TRDN: variants seen among roughly 807,000 people sequenced by gnomAD.
TRDN encodes the protein triadin in skeletal muscle.
A neutral mutation model predicts 149.7 loss-of-function variants in TRDN; 161 were observed. That is an observed-to-expected ratio of 1.08 (90% CI 0.95 to 1.23). TRDN has a LOEUF of 1.23. TRDN is among the 50% of genes most tolerant of loss of function. The probability of loss-of-function intolerance (pLI) is 0.00; values close to 1 mark genes in which losing one functional copy is unlikely to be tolerated. For missense variants in TRDN, 896 were observed against 823.5 expected (o/e 1.09, Z -1.08); for synonymous variants, 294 against 250.5 (o/e 1.17, Z -1.64).
intron 10 of TRDN, among the ~76,000 whole-genome samples, chr6:123,447,816 A>AC: frequency 6.6e-6 from 1 of 151,990 alleles, no homozygotes; most frequent in Non-Finnish European, 1.5e-5. Context: ...CTCCAGATCA[A>AC]CTGCAAGAAC....
At chr6:123,312,328 G>A (rs968029217) in intron 24 of TRDN, among the ~76,000 whole-genome samples, 1 of 151,890 alleles carries the variant, frequency 6.6e-6, no homozygotes, top group Non-Finnish European at 1.5e-5. Flanking sequence ...GAGAGAGCAA[G>A]AGCAACCCGT....
chr6:123,568,981 A>G (rs1782423940), intron 2 of TRDN, among the ~76,000 whole-genome samples: 1 of 152,194 alleles, frequency 6.6e-6, no homozygotes, highest in Non-Finnish European at 1.5e-5. Flanking sequence ...CTAGGCTGCA[A>G]ATTTTCCAAA....
intron 9 of TRDN, among the ~76,000 whole-genome samples, chr6:123,484,462 C>G (rs1039026233): frequency 6.6e-6 from 1 of 152,132 alleles, no homozygotes; most frequent in African/African-American, 2.4e-5. Flanking sequence ...TATTAAAATA[C>G]ATGGTGCATT....
chr6:123,435,878 G>T (rs188175265), intron 12 of TRDN, among the ~76,000 whole-genome samples: 3 of 152,062 alleles, frequency 2.0e-5, no homozygotes, highest in Admixed American at 6.5e-5. Context: ...TGACTGCTGG[G>T]CTAATAACAC....
chr6:123,397,868 T>C (rs1027328290), intron 12 of TRDN, among the ~76,000 whole-genome samples: 1 of 152,236 alleles, frequency 6.6e-6, no homozygotes, highest in Non-Finnish European at 1.5e-5. Flanking sequence ...CTTAAGAGCA[T>C]GTTTGAGATA....
chr6:123,279,203 C>CT (rs1554219864), intron 24 of TRDN, 121 bp from the exon 25 acceptor site: 1 of 772,696 alleles, frequency 1.3e-6, no homozygotes, highest in African/African-American at 1.8e-5. Flanking sequence ...CCCACCTATC[C>CT]TTTTTTGTTG....
intron 24 of TRDN, among the ~76,000 whole-genome samples, chr6:123,286,567 G>T (rs1246579153): frequency 2.0e-5 from 3 of 151,888 alleles, no homozygotes; most frequent in African/African-American, 2.4e-5. Flanking sequence ...ACTACAAATT[G>T]GGTTCAGTGT....
intron 21 of TRDN, chr6:123,351,243 T>C (rs939466197): frequency 9.2e-6 from 9 of 976,936 alleles, no homozygotes; most frequent in Non-Finnish European, 1.1e-5. Flanking sequence ...TACATGCTTA[T>C]CTAGAAGTTT....
At chr6:123,585,108 G>T (rs1374518508) in intron 1 of TRDN, among the ~76,000 whole-genome samples, 1 of 150,512 alleles carries the variant, frequency 6.6e-6, no homozygotes, top group Admixed American at 6.7e-5. Context: ...GGTTGCCAAG[G>T]AGGGAGTAGA....
At chr6:123,484,935 G>C (rs951050137) in intron 9 of TRDN, among the ~76,000 whole-genome samples, 1 of 152,214 alleles carries the variant, frequency 6.6e-6, no homozygotes, top group African/African-American at 2.4e-5. Context: ...CTGACTGAGA[G>C]AGTGGTAACA....
chr6:123,318,491 G>A (rs1234273544), intron 23 of TRDN, among the ~76,000 whole-genome samples: 6 of 152,044 alleles, frequency 3.9e-5, no homozygotes, highest in East Asian at 1.9e-4. Context: ...CCCTTCACCC[G>A]GGTCATATCC....
chr6:123,422,693 T>C (rs890216255), intron 12 of TRDN, among the ~76,000 whole-genome samples: 2 of 152,196 alleles, frequency 1.3e-5, no homozygotes, highest in Non-Finnish European at 2.9e-5. Flanking sequence ...TCACAATTTA[T>C]ACAAGTAGTA....
chr6:123,270,817 G>A (rs554840515), intron 30 of TRDN, among the ~76,000 whole-genome samples: 1 of 151,832 alleles, frequency 6.6e-6, no homozygotes, highest in African/African-American at 2.4e-5. Context: ...GAGGAAATGT[G>A]GTTTAAAAAT....
At chr6:123,400,041 T>C (rs981859166) in intron 12 of TRDN, among the ~76,000 whole-genome samples, 1 of 151,582 alleles carries the variant, frequency 6.6e-6, no homozygotes, top group East Asian at 1.9e-4. Flanking sequence ...GCATTCTCCA[T>C]ATGAGTGATT....
intron 38 of TRDN, among the ~76,000 whole-genome samples, chr6:123,237,568 T>C (rs1775836606): frequency 6.6e-6 from 1 of 152,168 alleles, no homozygotes; most frequent in Admixed American, 6.6e-5. Flanking sequence ...CTTTTGAAAC[T>C]CACTTACTAA....
chr6:123,632,331 G>T (rs1270033721), intron 1 of TRDN, among the ~76,000 whole-genome samples: 1 of 151,394 alleles, frequency 6.6e-6, no homozygotes, highest in Non-Finnish European at 1.5e-5. Flanking sequence ...TTTCTTTCTA[G>T]TCAGAAGAGT....
chr6:123,351,438 T>C (rs894762153), intron 21 of TRDN: 78 of 984,650 alleles, frequency 7.9e-5, no homozygotes, highest in Non-Finnish European at 9.2e-5. Context: ...GAAACTAAAA[T>C]TCCACTCTTC....
intron 32 of TRDN, among the ~76,000 whole-genome samples, chr6:123,266,159 T>C (rs1562237080): frequency 1.0e-5 from 1 of 99,940 alleles, no homozygotes; most frequent in South Asian, 2.9e-4. Context: ...TTATATATAT[T>C]ATAATATGTA....
intron 2 of TRDN, among the ~76,000 whole-genome samples, chr6:123,552,605 T>C (rs1466484447): frequency 6.6e-6 from 1 of 152,160 alleles, no homozygotes; most frequent in Admixed American, 6.6e-5. Flanking sequence ...GGAGAAACAG[T>C]AATAATCATT....
Sources: allele counts gnomAD v4.1 joint callset (sites outside exome capture counted in the v4.1 genomes callset), GRCh38; gene constraint gnomAD v4.1.1; transcripts MANE v1.5; gene names NCBI Gene and HGNC (gene_info 2026-07-23, HGNC 2026-07-21).